CSMD3: variants seen among roughly 807,000 people sequenced by gnomAD.
CSMD3 encodes CUB and Sushi multiple domains 3.
Under a neutral mutation model 435.2 loss-of-function variants are expected in CSMD3, and 177 were observed. The ratio of observed to expected loss-of-function variants is 0.41; its 90% confidence interval spans 0.36 to 0.46. CSMD3 has a LOEUF of 0.46. Ranked by LOEUF, CSMD3 falls within the 20% of genes least tolerant of loss-of-function variation. The pLI, the probability that CSMD3 is intolerant of heterozygous loss-of-function variation, is 0.34. For missense variants in CSMD3, 4,265 were observed against 4,504.6 expected, an observed-to-expected ratio of 0.95 and a Z score of 1.52; for synonymous variants, 1,656 against 1,520.5, an observed-to-expected ratio of 1.09 and a Z score of -2.07.
chr8:112,567,900 G>A (rs1829185790), intron 24 of CSMD3, among the ~76,000 whole-genome samples: 1 of 152,244 alleles, frequency 6.6e-6, no homozygotes, highest in African/African-American at 2.4e-5. Flanking sequence ...CCTCCTCACA[G>A]GGAAATTAAC....
intron 57 of CSMD3, among the ~76,000 whole-genome samples, chr8:112,288,807 G>C (rs1378802196): frequency 1.3e-5 from 2 of 151,968 alleles, no homozygotes; most frequent in African/African-American, 4.8e-5. Context: ...ACTGATTTAT[G>C]CAAAGATAAC....
chr8:112,314,581 G>A lies in CSMD3; in HGVS notation c.7397C>T (p.Thr2466Ile), dbSNP rs2130838199. The A allele has an allele frequency of 6.2e-7, 1 of 1,612,626 alleles. No individual in the cohort carries two copies. Among genetic ancestry groups the A allele is most frequent in the East Asian group, 2.2e-5 (1 of 44,782 alleles). ...ATATCCAGGGCTCAATATGACTCCA[G>A]TAGAATCTAGCCGTAATTCATTGGC... Reference protein sequence around the residue: ...CPANELRLDSTGVILSPGYPD... With the variant: ...CPANELRLDSIGVILSPGYPD... The change falls in exon 48 of 71, where the codon ACT becomes ATT. Residue 2466 changes from threonine (T) to isoleucine (I), a missense_variant. Physicochemically the swap from Thr to Ile is moderately conservative, Grantham distance 89. Transcript: ENST00000297405.
intron 17 of CSMD3, among the ~76,000 whole-genome samples, chr8:112,663,876 C>CT (rs1461688036): frequency 1.3e-5 from 2 of 152,038 alleles, no homozygotes; most frequent in Non-Finnish European, 2.9e-5. Context: ...GCCTCAGTGT[C>CT]TATTATGTAG....
intron 7 of CSMD3, among the ~76,000 whole-genome samples, chr8:112,958,939 A>G (rs1386612418): frequency 6.6e-6 from 1 of 152,128 alleles, no homozygotes; most frequent in East Asian, 1.9e-4. Flanking sequence ...TTTAAGTACA[A>G]GTTGGAGATT....
intron 5 of CSMD3, among the ~76,000 whole-genome samples, chr8:113,072,420 T>C (rs1352033497): frequency 6.6e-6 from 1 of 151,700 alleles, no homozygotes; most frequent in Non-Finnish European, 1.5e-5. Context: ...TTGATTATGA[T>C]GTTAGCTGTG....
chr8:113,076,555 A>C (rs1350236853), intron 5 of CSMD3, among the ~76,000 whole-genome samples: 1 of 152,060 alleles, frequency 6.6e-6, no homozygotes, highest in Admixed American at 6.6e-5. Context: ...AGAAATATTA[A>C]ATCTCTTAAT....
chr8:112,337,895 T>C (rs904744107), intron 42 of CSMD3, among the ~76,000 whole-genome samples, 164 bp from the exon 43 acceptor site: 1 of 152,202 alleles, frequency 6.6e-6, no homozygotes, highest in African/African-American at 2.4e-5. Flanking sequence ...ACCTGTGACA[T>C]AAATTTCTTC....
chr8:112,383,469 A>G (rs1312992160), intron 37 of CSMD3, 98 bp downstream of exon 37: 7 of 726,246 alleles, frequency 9.6e-6, no homozygotes, highest in Non-Finnish European at 1.7e-5. Context: ...GTAAAAAGCA[A>G]ATTAAAACTA....
Position 113,035,115 on chromosome 8 carries a change from T to C in CSMD3, c.918-15936A>G, listed in dbSNP as rs59711999. On this transcript the variant is annotated intron_variant, in intron 5 of 70. Coordinates refer to ENST00000297405, the MANE Select transcript of CSMD3 (RefSeq NM_198123.2). ...CTATGCAGGAGTAAAGGAATGATAA[T>C]GACAAGAGCTCAAAGCAATGAAATT... Among the ~76,000 whole-genome samples the C allele has an allele frequency of 8.3e-3, 1,260 of 151,800 alleles. 30 individuals are homozygous for C. Among genetic ancestry groups the C allele is most frequent in the African/African-American group, 0.029 (1,192 of 41,440 alleles).
intron 32 of CSMD3, among the ~76,000 whole-genome samples, chr8:112,467,519 A>T (rs1818080029): frequency 7.3e-6 from 1 of 137,126 alleles, no homozygotes; most frequent in African/African-American, 2.7e-5. Context: ...TTTCTACATA[A>T]AATTATGTAT....
chr8:112,232,273 G>A (rs1563664307), intron 68 of CSMD3, among the ~76,000 whole-genome samples: 1 of 152,172 alleles, frequency 6.6e-6, no homozygotes, highest in African/African-American at 2.4e-5. Context: ...GTAAGGCAGG[G>A]GTTGATAGCT....
At chr8:113,186,647 C>T (rs1472480546) in intron 3 of CSMD3, among the ~76,000 whole-genome samples, 1 of 152,012 alleles carries the variant, frequency 6.6e-6, no homozygotes, top group Non-Finnish European at 1.5e-5. Context: ...TAAACCATTT[C>T]CATTTTATTA....
chr8:112,798,852 AGCCATTT>A (rs1202355120), intron 13 of CSMD3, among the ~76,000 whole-genome samples: 1 of 151,920 alleles, frequency 6.6e-6, no homozygotes, highest in Non-Finnish European at 1.5e-5. Context: ...AGGTTTCCTT[AGCCATTT>A]AGAGGGAGAA....
chr8:112,518,952 A>G (rs1823995406), intron 27 of CSMD3, among the ~76,000 whole-genome samples: 1 of 152,090 alleles, frequency 6.6e-6, no homozygotes. Context: ...ACACTTTCAA[A>G]TAACCAGATC....
chr8:112,270,816 A>T (rs1817466217), intron 59 of CSMD3, among the ~76,000 whole-genome samples: 1 of 152,200 alleles, frequency 6.6e-6, no homozygotes, highest in Non-Finnish European at 1.5e-5. Flanking sequence ...AAAGATAACT[A>T]GCCAAGGTAA....
intron 3 of CSMD3, among the ~76,000 whole-genome samples, chr8:113,225,806 T>C (rs2093021126): frequency 6.6e-6 from 1 of 151,490 alleles, no homozygotes; most frequent in Admixed American, 6.6e-5. Flanking sequence ...AGGTTAGTGT[T>C]TGATATGGTC....
In CSMD3 at chr8:112,853,263, T is replaced by C. The variant is rs190656631; in HGVS notation, c.1755+5882A>G. ...TTCCTTGAGATGGAGTCTGACTCCG[T>C]TGCCCAGGCTGGAGTGCAGTGGCAT... On this transcript the variant is annotated intron_variant, in intron 11 of 70. Coordinates refer to ENST00000297405, the MANE Select transcript of CSMD3 (RefSeq NM_198123.2). Among the ~76,000 whole-genome samples the C allele has an allele frequency of 2.3e-3, 357 of 152,316 alleles. 3 individuals are homozygous for C. In the Middle Eastern group the frequency reaches 0.027, roughly 12 times the overall value.
chr8:113,374,504 G>C (rs1368025345), intron 1 of CSMD3, among the ~76,000 whole-genome samples: 3 of 151,950 alleles, frequency 2.0e-5, no homozygotes, highest in African/African-American at 7.2e-5. Flanking sequence ...TTCCTCATCT[G>C]TCACCCTACT....
chr8:113,209,904 A>C (rs2092812634), intron 3 of CSMD3, among the ~76,000 whole-genome samples: 1 of 151,880 alleles, frequency 6.6e-6, no homozygotes, highest in South Asian at 2.1e-4. Context: ...CTTTTAAAAA[A>C]CCCAAACTTT....
Sources: gnomAD v4.1 joint callset for allele counts (sites outside exome capture counted in the v4.1 genomes callset) on GRCh38, gnomAD v4.1.1 for gene constraint, MANE v1.5 for transcripts, NCBI Gene and HGNC (gene_info 2026-07-23, HGNC 2026-07-21) for gene names.